Variants in PLEKHD1 observed in about 807,000 individuals in gnomAD.
PLEKHD1 encodes the protein pleckstrin homology and coiled-coil domain containing D1.
PLEKHD1 carries 51 observed loss-of-function variants against 69.2 expected under a neutral mutation model. That is an observed-to-expected ratio of 0.74 (90% CI 0.59 to 0.93). The LOEUF (loss-of-function observed/expected upper bound fraction) is 0.93, where lower values mean the gene tolerates loss of function less well. PLEKHD1 is among the 40% of genes least tolerant of loss of function. The probability of loss-of-function intolerance (pLI) is 0.00; values close to 1 mark genes in which losing one functional copy is unlikely to be tolerated. For synonymous variants in PLEKHD1, 236 were observed against 244.7 expected (o/e 0.96, Z 0.33); for missense variants, 584 against 641.0 (o/e 0.91, Z 0.96).
intron 1 of PLEKHD1, among the ~76,000 whole-genome samples, chr14:69,490,903 G>A (rs1882764194): frequency 6.6e-6 from 1 of 152,144 alleles, no homozygotes; most frequent in Non-Finnish European, 1.5e-5. Context: ...ACTGGCTGCT[G>A]GGCCTATTCT....
chr14:69,470,126 A>G, the PLEKHD1 span, among the ~76,000 whole-genome samples: 314 of 152,232 alleles, frequency 2.1e-3, 1 homozygote, highest in African/African-American at 7.3e-3. Context: ...CAGCACTAAC[A>G]TTCTTTTTTT....
chr14:69,472,770 T>C, the PLEKHD1 span, among the ~76,000 whole-genome samples: 1 of 152,196 alleles, frequency 6.6e-6, no homozygotes, highest in South Asian at 2.1e-4. Context: ...TTTGTGTAAG[T>C]GCACTCTATG....
intron 1 of PLEKHD1, among the ~76,000 whole-genome samples, chr14:69,487,449 C>A (rs1342791133): frequency 1.3e-5 from 2 of 152,220 alleles, no homozygotes; most frequent in Non-Finnish European, 2.9e-5. Context: ...TTAGGGCGAT[C>A]AATGCCCTGG....
intron 1 of PLEKHD1, among the ~76,000 whole-genome samples, chr14:69,494,490 C>T (rs1448564075): frequency 1.3e-5 from 2 of 151,602 alleles, no homozygotes; most frequent in Non-Finnish European, 2.9e-5. Context: ...TATGGCTTTG[C>T]ATACACTGTT....
intron 6 of PLEKHD1, among the ~76,000 whole-genome samples, chr14:69,508,647 G>GA (rs1302927294): frequency 2.0e-5 from 3 of 152,150 alleles, no homozygotes; most frequent in Admixed American, 1.3e-4. Flanking sequence ...GCAAACATGG[G>GA]ACTAAAAGAC....
At chr14:69,482,507 G>A (rs1882560629), upstream of PLEKHD1, among the ~76,000 whole-genome samples, 2 of 152,216 alleles carry the variant, frequency 1.3e-5, no homozygotes, top group African/African-American at 2.4e-5. Context: ...TGCTGCAGCT[G>A]CCCCTGAGTT....
In PLEKHD1 at chr14:69,528,546, C is replaced by T. The variant is rs374662803; in HGVS notation, c.*127C>T. 7.1e-5 allele frequency: 90 copies of T among 1,276,460 alleles called. No individual in the cohort carries two copies. In the African/African-American group the frequency reaches 9.1e-4, roughly 13 times the overall value. 79.1% of individuals were successfully genotyped at this position (1,276,460 alleles called of 1,614,324 possible). On this transcript the variant is annotated 3_prime_UTR_variant, in exon 13 of 13. Coordinates refer to ENST00000322564, the MANE Select transcript of PLEKHD1 (RefSeq NM_001161498.2). ...TCTGGAGCCTATGTCTCCTCTGGGC[C>T]GGAGCTCCACTTGGGGGCCAGCCTT...
At chr14:69,499,974 G>A (rs2139504703) in intron 1 of PLEKHD1, 141 bp from the exon 2 acceptor site, 6 of 636,856 alleles carry the variant, frequency 9.4e-6, no homozygotes, top group African/African-American at 1.8e-5. Context: ...AGGGTGTGGA[G>A]CTTGAGTTGG....
chr14:69,495,140 C>T (rs899268428), intron 1 of PLEKHD1, among the ~76,000 whole-genome samples: 6 of 152,208 alleles, frequency 3.9e-5, no homozygotes, highest in Admixed American at 1.3e-4. Context: ...ACCTTCCTTC[C>T]CCTGCCCCTC....
At chr14:69,514,754 T>G (rs1883346722) in intron 6 of PLEKHD1, among the ~76,000 whole-genome samples, 1 of 152,152 alleles carries the variant, frequency 6.6e-6, no homozygotes, top group African/African-American at 2.4e-5. Flanking sequence ...GCCCCTGGAC[T>G]GTGAACTTCA....
chr14:69,526,802 G>C lies in PLEKHD1; in HGVS notation c.1029G>C (p.Glu343Asp). ...ACTCGCTGCAGGAGCTGACGGCAGA[G>C]AAGCAGCAGGCTGAGCGGGAGCTCA... is the stretch of plus-strand genomic sequence containing the variant. ...LQNSLQELTA[E>D]KQQAERELKA... Residue 343 changes from glutamate to aspartate, a missense_variant, in exon 10 of 13, where the codon GAG becomes GAC. By Grantham distance (45) the Glu-to-Asp change is conservative (BLOSUM62 2). Transcript: ENST00000322564. 6.5e-7 allele frequency: 1 copy of C among 1,549,444 alleles called. No individual in the cohort carries two copies. The highest frequency in any genetic ancestry group is 8.7e-7 in the Non-Finnish European group (1 of 1,145,978).
chr14:69,481,659 G>A (rs906109650), upstream of PLEKHD1, among the ~76,000 whole-genome samples: 3 of 152,118 alleles, frequency 2.0e-5, no homozygotes, highest in South Asian at 2.1e-4. Context: ...CGTAGACAAC[G>A]CTTTTGAACT....
chr14:69,468,671 C>G, the PLEKHD1 span, among the ~76,000 whole-genome samples: 4 of 152,148 alleles, frequency 2.6e-5, no homozygotes, highest in Non-Finnish European at 5.9e-5. Flanking sequence ...GCCTCAAACT[C>G]CTGAGCTCCA....
intron 1 of PLEKHD1, among the ~76,000 whole-genome samples, chr14:69,495,290 C>T (rs932642): frequency 0.073 from 11,115 of 152,226 alleles, 1,259 homozygotes; most frequent in African/African-American, 0.25. Flanking sequence ...TATGTGGCAA[C>T]ATCCCCTAAT....
At chr14:69,495,379 C>G (rs548069108) in intron 1 of PLEKHD1, among the ~76,000 whole-genome samples, 3 of 152,298 alleles carry the variant, frequency 2.0e-5, no homozygotes, top group Non-Finnish European at 4.4e-5. Flanking sequence ...CCAGGTCACT[C>G]CTGCTCAAAG....
At chr14:69,499,251 AC>A (rs1882967539) in intron 1 of PLEKHD1, among the ~76,000 whole-genome samples, 1 of 149,532 alleles carries the variant, frequency 6.7e-6, no homozygotes, top group South Asian at 2.1e-4. Flanking sequence ...ACACACACAC[AC>A]ACACACACAC....
At chr14:69,522,939 T>C (rs1566565419) in intron 7 of PLEKHD1, among the ~76,000 whole-genome samples, 1 of 152,008 alleles carries the variant, frequency 6.6e-6, no homozygotes, top group Non-Finnish European at 1.5e-5. Context: ...TGTTTGTTTG[T>C]TTGTTTGTTT....
At chr14:69,477,595 A>G in the PLEKHD1 span, among the ~76,000 whole-genome samples, 1 of 152,260 alleles carries the variant, frequency 6.6e-6, no homozygotes, top group Non-Finnish European at 1.5e-5. Flanking sequence ...CTATGGGGGT[A>G]CAAGCATTGG....
At chr14:69,523,361 A>T (rs918437355) in intron 7 of PLEKHD1, among the ~76,000 whole-genome samples, 3 of 152,156 alleles carry the variant, frequency 2.0e-5, no homozygotes, top group Admixed American at 1.3e-4. Context: ...ATCACCACAC[A>T]TGATCAGTGA....
Sources: gnomAD v4.1 joint callset for allele counts (sites outside exome capture counted in the v4.1 genomes callset) on GRCh38, gnomAD v4.1.1 for gene constraint, MANE v1.5 for transcripts, NCBI Gene and HGNC (gene_info 2026-07-23, HGNC 2026-07-21) for gene names.